CTIF: variants seen among roughly 807,000 people sequenced by gnomAD.
The protein encoded by CTIF is cap binding complex dependent translation initiation factor, also known as CBP80/20-dependent translation initiation factor.
A neutral mutation model predicts 66.0 loss-of-function variants in CTIF; 21 were observed. The observed-to-expected ratio is 0.32, with a 90% confidence interval of 0.23 to 0.46. The LOEUF is 0.46. CTIF is among the 20% of genes least tolerant of loss of function. The pLI is 1.00. For missense variants in CTIF, 739 were observed against 812.7 expected, an observed-to-expected ratio of 0.91 and a Z score of 1.10; for synonymous variants, 345 against 326.4, an observed-to-expected ratio of 1.06 and a Z score of -0.62.
intron 9 of CTIF, among the ~76,000 whole-genome samples, chr18:48,783,786 A>T (rs1026439034): frequency 1.3e-5 from 2 of 152,042 alleles, no homozygotes; most frequent in Non-Finnish European, 2.9e-5. Flanking sequence ...GGCCGGGGGA[A>T]ACCTGCGGAG....
chr18:48,719,596 G>A (rs1343311017), intron 7 of CTIF, among the ~76,000 whole-genome samples: 1 of 152,208 alleles, frequency 6.6e-6, no homozygotes, highest in Non-Finnish European at 1.5e-5. Context: ...TGTTTTTGCA[G>A]TCAGTCATTG....
intron 7 of CTIF, among the ~76,000 whole-genome samples, chr18:48,740,534 T>C (rs1288968285): frequency 6.6e-6 from 1 of 152,242 alleles, no homozygotes; most frequent in Non-Finnish European, 1.5e-5. Context: ...CCAGATCTGC[T>C]CTTAGCAGAA....
At chr18:48,607,529 C>T (rs922584611) in intron 1 of CTIF, among the ~76,000 whole-genome samples, 8 of 152,206 alleles carry the variant, frequency 5.3e-5, no homozygotes, top group Non-Finnish European at 1.2e-4. Flanking sequence ...TCTGGGAATC[C>T]ATCATGAAAC....
chr18:48,597,332 A>G (rs2090004835), intron 1 of CTIF, among the ~76,000 whole-genome samples: 1 of 152,204 alleles, frequency 6.6e-6, no homozygotes. Flanking sequence ...CTGGGAAGGA[A>G]GGCATGCAGG....
intron 7 of CTIF, among the ~76,000 whole-genome samples, chr18:48,737,770 C>T (rs1446201227): frequency 6.6e-6 from 1 of 152,160 alleles, no homozygotes; most frequent in Non-Finnish European, 1.5e-5. Flanking sequence ...TTATGGGACA[C>T]AGGGGAGTTA....
intron 9 of CTIF, among the ~76,000 whole-genome samples, chr18:48,812,291 A>G (rs1294616160): frequency 6.6e-6 from 1 of 152,152 alleles, no homozygotes; most frequent in Non-Finnish European, 1.5e-5. Context: ...TAGCAACTGC[A>G]GCATTGAATT....
At chr18:48,567,991 C>G (rs113595215) in intron 1 of CTIF, 2 of 152,140 alleles carry the variant, frequency 1.3e-5, no homozygotes, top group African/African-American at 4.8e-5. Flanking sequence ...TGGCAAGTCA[C>G]AGGGTTGTGA....
chr18:48,570,595 A>G (rs1430935469), intron 1 of CTIF, among the ~76,000 whole-genome samples: 1 of 152,046 alleles, frequency 6.6e-6, no homozygotes, highest in African/African-American at 2.4e-5. Context: ...GGGTGGGGGG[A>G]GCAGTGGTGC....
intron 2 of CTIF, chr18:48,621,526 G>C (rs2090493279): frequency 2.7e-6 from 1 of 371,464 alleles, no homozygotes; most frequent in Admixed American, 3.5e-5. Flanking sequence ...AGAATGTGAG[G>C]AGAAGTGAGC....
intron 3 of CTIF, among the ~76,000 whole-genome samples, chr18:48,641,094 G>A (rs935480003): frequency 6.6e-6 from 1 of 152,212 alleles, no homozygotes; most frequent in African/African-American, 2.4e-5. Flanking sequence ...TAGTTAGGAC[G>A]TCAGACGTTT....
rs539700232 is a variant in CTIF, at chr18:48,797,410, T to C, written c.1372-19811T>C. Among the ~76,000 whole-genome samples the C allele has an allele frequency of 1.2e-4, 18 of 146,458 alleles. No homozygotes were observed. The South Asian group carries it at 3.7e-3, about 30-fold the overall frequency. ...AGGCACGAGAATCACTTGAACCCAG[T>C]GGGCGGAGGTTGCAGTGAGCCAAGA... is the stretch of plus-strand genomic sequence containing the variant. On this transcript the variant is annotated intron_variant, in intron 9 of 11. Transcript: ENST00000256413.
intron 7 of CTIF, among the ~76,000 whole-genome samples, chr18:48,722,973 A>C (rs2092354544): frequency 6.6e-6 from 1 of 152,190 alleles, no homozygotes; most frequent in Non-Finnish European, 1.5e-5. Context: ...CAGAGCACTC[A>C]CTGTATTCAG....
intron 1 of CTIF, among the ~76,000 whole-genome samples, chr18:48,549,342 A>G (rs1414052356): frequency 6.6e-6 from 1 of 152,148 alleles, no homozygotes; most frequent in African/African-American, 2.4e-5. Context: ...ATTGGGGTGG[A>G]AGTATGGACA....
rs543344924 is a variant in CTIF, at chr18:48,829,855, G to A, written c.1527+12479G>A. 5.9e-5 allele frequency among the ~76,000 whole-genome samples: 9 copies of A among 152,354 alleles called. No individual in the cohort carries two copies. The East Asian group carries it at 1.7e-3, about 29-fold the overall frequency. On this transcript the variant is annotated intron_variant, in intron 10 of 11. Transcript: ENST00000256413. ...AAATTAGCATTGATGATATCCACCTGCTGCCATTCTTGCCTTCAGATGTGA... is the reference window on the plus strand; with the variant it reads ...AAATTAGCATTGATGATATCCACCTACTGCCATTCTTGCCTTCAGATGTGA...
At chr18:48,730,039 C>T (rs1017250338) in intron 7 of CTIF, among the ~76,000 whole-genome samples, 3 of 152,234 alleles carry the variant, frequency 2.0e-5, no homozygotes, top group Non-Finnish European at 4.4e-5. Flanking sequence ...TTGTCCACAG[C>T]TGTGCTGCCC....
At chr18:48,666,485 C>G (rs973278200) in intron 5 of CTIF, among the ~76,000 whole-genome samples, 1 of 152,218 alleles carries the variant, frequency 6.6e-6, no homozygotes, top group Non-Finnish European at 1.5e-5. Context: ...CCCTAGTTCA[C>G]CACATCAGGG....
intron 10 of CTIF, among the ~76,000 whole-genome samples, chr18:48,841,869 C>T (rs1296486070): frequency 6.6e-6 from 1 of 152,080 alleles, no homozygotes. Flanking sequence ...CCTTCTGGGG[C>T]TGAGCTCCAA....
intron 7 of CTIF, among the ~76,000 whole-genome samples, chr18:48,748,635 G>C (rs546183295): frequency 4.6e-5 from 7 of 152,168 alleles, no homozygotes; most frequent in Non-Finnish European, 1.0e-4. Context: ...ACTTGTCCAA[G>C]ACCACCCAGC....
At chr18:48,810,242 T>C (rs867323234) in intron 9 of CTIF, among the ~76,000 whole-genome samples, 10 of 152,232 alleles carry the variant, frequency 6.6e-5, no homozygotes, top group African/African-American at 1.4e-4. Context: ...CTCAATATAT[T>C]GTCACATGTG....
Sources: gnomAD v4.1 joint callset for allele counts (sites outside exome capture counted in the v4.1 genomes callset) on GRCh38, gnomAD v4.1.1 for gene constraint, MANE v1.5 for transcripts, NCBI Gene and HGNC (gene_info 2026-07-23, HGNC 2026-07-21) for gene names.